Variants in NPPA observed in about 807,000 individuals in gnomAD.
NPPA encodes the protein natriuretic peptide A.
Under a neutral mutation model 12.2 loss-of-function variants are expected in NPPA, and 10 were observed. That is an observed-to-expected ratio of 0.82 (90% CI 0.50 to 1.38). The LOEUF is 1.38. Among genes scored for constraint, NPPA ranks in the 40% most tolerant of loss-of-function variants. The pLI is 0.00. For missense variants in NPPA, 207 were observed against 193.5 expected, an observed-to-expected ratio of 1.07 and a Z score of -0.41; for synonymous variants, 85 against 80.2, an observed-to-expected ratio of 1.06 and a Z score of -0.32.
chr1:11,847,732 C>CCTCTGGTTCCT lies in NPPA; in HGVS notation c.-59_-49dup. On this transcript the variant is annotated 5_prime_UTR_variant, in exon 1 of 3. Transcript: ENST00000376480. Reference sequence around the variant, plus strand: ...CCACTGCTTGCTGCTCTGTCTCTCCCCTCTGGTTCCTCTCTGGTTCCCCTC... The same window carrying CCTCTGGTTCCT: ...CCACTGCTTGCTGCTCTGTCTCTCCCCTCTGGTTCCTCTCTGGTTCCTCTCTGGTTCCCCTC... The CCTCTGGTTCCT allele has an allele frequency of 6.2e-7, 1 of 1,612,890 alleles. No homozygotes were observed. The highest frequency in any genetic ancestry group is 2.2e-5 in the East Asian group (1 of 44,870).
chr1:11,847,477 C>T, intron 1 of NPPA, 38 bp from the exon 2 acceptor site: 1 of 1,614,036 alleles, frequency 6.2e-7, no homozygotes, highest in South Asian at 1.1e-5. Flanking sequence ...GGATAAACCT[C>T]ACTGACTTGG....
rs1475348735 is a variant in NPPA, at chr1:11,847,105, C to T, written c.450+8G>A. Reference sequence around the variant, plus strand: ...TCCCATCCCATTTCCATCCCCAGTTCCTCTTACCCGGAAGCTGTTACAGCC... The same window carrying T: ...TCCCATCCCATTTCCATCCCCAGTTTCTCTTACCCGGAAGCTGTTACAGCC... On this transcript the variant is annotated splice_region_variant and intron_variant, in intron 2 of 2. Coordinates refer to ENST00000376480, the MANE Select transcript of NPPA (RefSeq NM_006172.4). 2.6e-6 allele frequency: 4 copies of T among 1,522,900 alleles called. No individual in the cohort carries two copies. The African/African-American group carries it at 4.2e-5, about 16-fold the overall frequency. 94.3% of individuals were successfully genotyped at this position (1,522,900 alleles called of 1,614,324 possible).
rs768114654 is a variant in NPPA at position 11,847,391 on chromosome 1, C to G, written c.172G>C (p.Val58Leu). 1.2e-6 allele frequency: 2 copies of G among 1,614,004 alleles called. No homozygotes were observed. Among genetic ancestry groups the G allele is most frequent in the South Asian group, 1.1e-5 (1 of 91,084 alleles). ...GGCTCACTGAGCACTTGTGGGGGCA[C>G]GACCTCATCTTCTAAAGGCATCTTT... Reference protein sequence around the residue: ...EEKMPLEDEVVPPQVLSEPNE... With the variant: ...EEKMPLEDEVLPPQVLSEPNE... Residue 58 changes from valine to leucine, a missense_variant, in exon 2 of 3, where the codon GTG (valine) becomes CTG (leucine). Val to Leu is a conservative substitution (Grantham distance 32). Transcript: ENST00000376480.
intron 2 of NPPA, 35 bp downstream of exon 2, chr1:11,847,078 C>T (rs1645073841): frequency 2.0e-6 from 3 of 1,502,684 alleles, no homozygotes; most frequent in Admixed American, 2.2e-5. Flanking sequence ...CAGTAGTGTC[C>T]ATCCCATCCC....
rs952457524 is a variant in NPPA at position 11,845,809 on chromosome 1, C to T, written c.*200G>A. 9 of 633,020 alleles carry T rather than the reference C, an allele frequency of 1.4e-5. No individual in the cohort carries two copies. The highest frequency in any genetic ancestry group is 8.2e-5 in the East Asian group (3 of 36,404). 39.2% of individuals were successfully genotyped at this position (633,020 alleles called of 1,614,324 possible). The stretch of plus-strand genomic sequence containing the variant: ...AATTTAATGCATGGGGTGGGAGAGG[C>T]GAGGAAGTCACCATCAAACCACTTT... On this transcript the variant is annotated 3_prime_UTR_variant, in exon 3 of 3. Transcript: ENST00000376480.
At chr1:11,847,010 A>C in intron 2 of NPPA, 103 bp downstream of exon 2, 1 of 1,010,682 alleles carries the variant, frequency 9.9e-7, no homozygotes, top group Non-Finnish European at 1.3e-6. Flanking sequence ...GTGTTGGGGC[A>C]GAAACTTGAG....
Position 11,847,408 on chromosome 1 carries a change from G to A in NPPA, c.155C>T (p.Pro52Leu). The change falls in exon 2 of 3, where the codon CCT (proline) becomes CTT (leucine). Residue 52 changes from proline (P) to leucine (L), a missense_variant. Coordinates refer to ENST00000376480, the MANE Select transcript of NPPA (RefSeq NM_006172.4). ...NLLDHLEEKM[P>L]LEDEVVPPQV... Reference sequence around the variant, plus strand: ...TGGGGGCACGACCTCATCTTCTAAAGGCATCTTTTCTTCCAAATGGTCCAG... The same window carrying A: ...TGGGGGCACGACCTCATCTTCTAAAAGCATCTTTTCTTCCAAATGGTCCAG... 1 of 1,614,084 alleles carries A rather than the reference G, an allele frequency of 6.2e-7. No homozygotes were observed. Among genetic ancestry groups the A allele is most frequent in the Non-Finnish European group, 8.5e-7 (1 of 1,180,030 alleles).
intron 2 of NPPA, among the ~76,000 whole-genome samples, chr1:11,846,566 C>T (rs944807468): frequency 2.0e-5 from 3 of 150,706 alleles, no homozygotes; most frequent in Non-Finnish European, 4.4e-5. Context: ...GTGATCCACC[C>T]GCCTTGGCCT....
At chr1:11,847,502 A>C in intron 1 of NPPA, 60 bp downstream of exon 1, 1 of 1,614,108 alleles carries the variant, frequency 6.2e-7, no homozygotes, top group Non-Finnish European at 8.5e-7. Flanking sequence ...AATCAAGAGG[A>C]GTGAGCACAG....
Position 11,845,919 on chromosome 1 carries a change from G to T in NPPA, c.*90C>A. On this transcript the variant is annotated 3_prime_UTR_variant, in exon 3 of 3. Coordinates refer to ENST00000376480, the MANE Select transcript of NPPA (RefSeq NM_006172.4). ...GATCACAACTCCATGGCAACAAGAT[G>T]ACACAAATGCAGCAGAGACCCCAGG... 2 of 1,275,036 alleles carry T rather than the reference G, an allele frequency of 1.6e-6. No homozygotes were observed. The highest frequency in any genetic ancestry group is 1.2e-5 in the South Asian group (1 of 84,388). The allele number at this position is 1,275,036 out of a possible 1,614,324, so 79.0% of individuals were successfully genotyped here. A position where few individuals can be genotyped will look rare whatever the true frequency, so the allele number is the denominator to read the frequency against.
Position 11,845,736 on chromosome 1 carries a change from T to G in NPPA, c.*273A>C, listed in dbSNP as rs1009544572. 5 of 539,708 alleles carry G rather than the reference T, an allele frequency of 9.3e-6. No individual in the cohort carries two copies. Among genetic ancestry groups the G allele is most frequent in the African/African-American group, 3.8e-5 (2 of 52,854 alleles). The allele number at this position is 539,708 out of a possible 1,614,324, so 33.4% of individuals were successfully genotyped here. A position where few individuals can be genotyped will look rare whatever the true frequency, so the allele number is the denominator to read the frequency against. Reference sequence around the variant, plus strand: ...TGTCTTCTGTCCATGGTGCTGAAGTTTATTCACTTTCAAACCACTTTCAGT... The same window carrying G: ...TGTCTTCTGTCCATGGTGCTGAAGTGTATTCACTTTCAAACCACTTTCAGT... On this transcript the variant is annotated 3_prime_UTR_variant, in exon 3 of 3. Transcript: ENST00000376480.
chr1:11,846,120 T>G, intron 2 of NPPA, 106 bp from the exon 3 acceptor site: 1 of 1,132,332 alleles, frequency 8.8e-7, no homozygotes, highest in Non-Finnish European at 1.3e-6. Flanking sequence ...ACTGACCACC[T>G]GCTTCCCACC....
At chr1:11,847,461 G>T in intron 1 of NPPA, 22 bp from the exon 2 acceptor site, 1 of 1,614,034 alleles carries the variant, frequency 6.2e-7, no homozygotes, top group Non-Finnish European at 8.5e-7. Flanking sequence ...GAAAATACAG[G>T]GAAAGGGATA....
chr1:11,845,960 G>A lies in NPPA; in HGVS notation c.*49C>T. 1.9e-6 allele frequency: 3 copies of A among 1,599,964 alleles called. No individual in the cohort carries two copies. Among genetic ancestry groups the A allele is most frequent in the South Asian group, 2.2e-5 (2 of 90,806 alleles). ...AGACCCCAGGGGACAGGAGCCTCTT[G>A]CAGTCTGTCCCTAGGCCCAGCCCTG... On this transcript the variant is annotated 3_prime_UTR_variant, in exon 3 of 3. Transcript: ENST00000376480.
Position 11,847,550 on chromosome 1 carries a change from T to C in NPPA, c.123+12A>G. Reference sequence around the variant, plus strand: ...CCCTGGCCCCAGACTGCACCCGCTTTCCTGGCCCTACCTTGAAATCCATCA... The same window carrying C: ...CCCTGGCCCCAGACTGCACCCGCTTCCCTGGCCCTACCTTGAAATCCATCA... On this transcript the variant is annotated intron_variant, in intron 1 of 2. Coordinates refer to ENST00000376480, the MANE Select transcript of NPPA (RefSeq NM_006172.4). The C allele has an allele frequency of 6.2e-7, 1 of 1,614,212 alleles. No individual in the cohort carries two copies. Among genetic ancestry groups the C allele is most frequent in the Non-Finnish European group, 8.5e-7 (1 of 1,180,044 alleles).
Position 11,847,370 on chromosome 1 carries a change from C to T in NPPA, c.193G>A (p.Glu65Lys). The change falls in exon 2 of 3, where the codon GAG becomes AAG. Residue 65 changes from glutamate (E) to lysine (K), a missense_variant. Physicochemically the swap from Glu to Lys is moderately conservative, Grantham distance 56 (BLOSUM62 1). Coordinates refer to ENST00000376480, the MANE Select transcript of NPPA (RefSeq NM_006172.4). ...DEVVPPQVLS[E>K]PNEEAGAALS... The stretch of plus-strand genomic sequence containing the variant: ...GCAGCCCCCGCTTCTTCATTCGGCT[C>T]ACTGAGCACTTGTGGGGGCACGACC... 1 of 1,614,004 alleles carries T rather than the reference C, an allele frequency of 6.2e-7. No homozygotes were observed. Among genetic ancestry groups the T allele is most frequent in the Non-Finnish European group, 8.5e-7 (1 of 1,179,954 alleles).
intron 2 of NPPA, among the ~76,000 whole-genome samples, chr1:11,846,377 T>C (rs1254056039): frequency 6.9e-6 from 1 of 145,798 alleles, no homozygotes; most frequent in Non-Finnish European, 1.5e-5. Flanking sequence ...TGGAGTGCAG[T>C]GGTGCCATCT....
chr1:11,846,919 C>T (rs984766208), intron 2 of NPPA, among the ~76,000 whole-genome samples, 194 bp downstream of exon 2: 3 of 147,350 alleles, frequency 2.0e-5, no homozygotes, highest in South Asian at 2.3e-4. Flanking sequence ...CAGCCCCCCC[C>T]CCTTTTTTTT....
Position 11,846,154 on chromosome 1 carries a change from C to T in NPPA, c.451-140G>A, listed in dbSNP as rs1347231427. ...CCGGCCCCCACCCCAGCCTGATGAC[C>T]CTCTGAGCTTCATGAATTGATAAGC... On this transcript the variant is annotated intron_variant, in intron 2 of 2. Coordinates refer to ENST00000376480, the MANE Select transcript of NPPA (RefSeq NM_006172.4). 9 of 820,726 alleles carry T rather than the reference C, an allele frequency of 1.1e-5. No individual in the cohort carries two copies. In the South Asian group the frequency reaches 1.2e-4, roughly 11 times the overall value. The allele number at this position is 820,726 out of a possible 1,614,324, so 50.8% of individuals were successfully genotyped here.
Sources: gnomAD v4.1 joint callset for allele counts (sites outside exome capture counted in the v4.1 genomes callset) on GRCh38, gnomAD v4.1.1 for gene constraint, MANE v1.5 for transcripts, NCBI Gene and HGNC (gene_info 2026-07-23, HGNC 2026-07-21) for gene names.